The following PPP1R16B variants were observed in gnomAD, a reference collection of about 807,000 sequenced individuals.
The protein encoded by PPP1R16B is protein phosphatase 1 regulatory inhibitor subunit 16B.
In PPP1R16B, 14 loss-of-function variants were observed where a neutral mutation model predicts 61.7. That is an observed-to-expected ratio of 0.23 (90% CI 0.15 to 0.35). The LOEUF (loss-of-function observed/expected upper bound fraction) is 0.35, where lower values mean the gene tolerates loss of function less well. Among genes scored for constraint, PPP1R16B ranks in the 10% least tolerant of loss-of-function variants. The pLI, the probability that PPP1R16B is intolerant of heterozygous loss-of-function variation, is 1.00. For synonymous variants in PPP1R16B, 266 were observed against 305.3 expected (o/e 0.87, Z 1.34); for missense variants, 547 against 752.5 (o/e 0.73, Z 3.19).
intron 1 of PPP1R16B, among the ~76,000 whole-genome samples, chr20:38,823,515 C>T (rs981857519): frequency 1.3e-5 from 2 of 152,118 alleles, no homozygotes; most frequent in Admixed American, 1.3e-4. Context: ...GTGGCACTTG[C>T]CTGTAGTCCC....
At chr20:38,829,804 C>T (rs528691080) in intron 1 of PPP1R16B, among the ~76,000 whole-genome samples, 45 of 152,248 alleles carry the variant, frequency 3.0e-4, no homozygotes, top group Admixed American at 5.2e-4. Flanking sequence ...ATTTCTCAGA[C>T]GGGGGTGGGA....
At chr20:38,814,595 G>A (rs950152500) in intron 1 of PPP1R16B, among the ~76,000 whole-genome samples, 1 of 152,168 alleles carries the variant, frequency 6.6e-6, no homozygotes, top group African/African-American at 2.4e-5. Context: ...TATCATTAGA[G>A]TTAGTCCCTA....
At chr20:38,830,135 G>T (rs1314850972) in intron 1 of PPP1R16B, among the ~76,000 whole-genome samples, 1 of 152,160 alleles carries the variant, frequency 6.6e-6, no homozygotes, top group African/African-American at 2.4e-5. Flanking sequence ...TGTGAGTCAG[G>T]CCCCAGGTTT....
intron 1 of PPP1R16B, among the ~76,000 whole-genome samples, chr20:38,822,728 G>T (rs1457842774): frequency 6.6e-6 from 1 of 152,048 alleles, no homozygotes. Context: ...AATTAAAAAT[G>T]GAAGTGAATT....
intron 2 of PPP1R16B, among the ~76,000 whole-genome samples, chr20:38,882,800 G>A (rs2085212397): frequency 6.6e-6 from 1 of 152,120 alleles, no homozygotes; most frequent in Non-Finnish European, 1.5e-5. Context: ...GTGACATTTT[G>A]GCTAAAACCT....
chr20:38,905,588 A>G (rs2145777413), intron 6 of PPP1R16B, among the ~76,000 whole-genome samples: 1 of 152,342 alleles, frequency 6.6e-6, no homozygotes, highest in African/African-American at 2.4e-5. Flanking sequence ...CCCACATTCA[A>G]GGTGAGAACA....
At chr20:38,899,221 G>C (rs1005098182) in intron 4 of PPP1R16B, among the ~76,000 whole-genome samples, 1 of 152,242 alleles carries the variant, frequency 6.6e-6, no homozygotes, top group African/African-American at 2.4e-5. Flanking sequence ...GTGGAGGGCT[G>C]TTAGGCCAAA....
chr20:38,867,400 G>C (rs2085097809), intron 2 of PPP1R16B, among the ~76,000 whole-genome samples: 1 of 152,152 alleles, frequency 6.6e-6, no homozygotes, highest in South Asian at 2.1e-4. Context: ...TCAGATGCTG[G>C]GATCTGGAGC....
chr20:38,875,575 CAAAATCA>C (rs2085159775), intron 2 of PPP1R16B, among the ~76,000 whole-genome samples: 1 of 152,184 alleles, frequency 6.6e-6, no homozygotes, highest in Non-Finnish European at 1.5e-5. Flanking sequence ...TCAGAAATGA[CAAAATCA>C]AACACCCGCA....
chr20:38,898,424 G>A (rs910335628), intron 4 of PPP1R16B, among the ~76,000 whole-genome samples: 1 of 152,110 alleles, frequency 6.6e-6, no homozygotes, highest in African/African-American at 2.4e-5. Flanking sequence ...GTGTGAATCC[G>A]CCAGCTTTGT....
intron 10 of PPP1R16B, among the ~76,000 whole-genome samples, chr20:38,911,644 C>T (rs951566425): frequency 2.6e-5 from 4 of 151,858 alleles, no homozygotes; most frequent in African/African-American, 9.7e-5. Flanking sequence ...TCAAGCGATT[C>T]TCCTGCCTCA....
chr20:38,857,025 A>T (rs1291557182), intron 2 of PPP1R16B, among the ~76,000 whole-genome samples: 10 of 152,220 alleles, frequency 6.6e-5, no homozygotes, highest in Non-Finnish European at 4.4e-5. Flanking sequence ...GTCCCCACCT[A>T]CGGTGGGCAC....
rs763033175 is a variant in PPP1R16B, at chr20:38,907,918, C to A, written c.1011C>A (p.Ser337=). ...RHKSSLSRRT[S]SAGSRGKVVR... ...AGTCATCCTTGAGCCGGAGGACCTC[C>A]AGCGCAGGCAGCCGTGGGTGAGTCC... is the stretch of plus-strand genomic sequence containing the variant. The change falls in exon 9 of 11, where the codon TCC becomes TCA. Residue 337 remains serine (S), a synonymous_variant. Transcript: ENST00000299824. The surrounding 1 kb of genome is among the most constrained non-coding windows in gnomAD (Gnocchi z 4.5). 1 of 1,614,218 alleles carries A rather than the reference C, an allele frequency of 6.2e-7. No individual in the cohort carries two copies. Among genetic ancestry groups the A allele is most frequent in the Non-Finnish European group, 8.5e-7 (1 of 1,180,038 alleles).
At chr20:38,856,538 C>T (rs1482896144) in intron 2 of PPP1R16B, among the ~76,000 whole-genome samples, 1 of 152,134 alleles carries the variant, frequency 6.6e-6, no homozygotes, top group Admixed American at 6.5e-5. Flanking sequence ...CTTCTCTCAG[C>T]CCCTCAAAGG....
intron 10 of PPP1R16B, among the ~76,000 whole-genome samples, chr20:38,911,627 C>G (rs1270173700): frequency 6.6e-6 from 1 of 151,808 alleles, no homozygotes; most frequent in African/African-American, 2.4e-5. Flanking sequence ...ACCTCTGCCT[C>G]CCAGGATCAA....
chr20:38,909,904 C>T (rs2085475358), intron 10 of PPP1R16B, among the ~76,000 whole-genome samples: 1 of 152,180 alleles, frequency 6.6e-6, no homozygotes. Context: ...CAGATGTCTC[C>T]CAGCTGTGCT....
chr20:38,869,035 C>A (rs1490558902), intron 2 of PPP1R16B, among the ~76,000 whole-genome samples: 1 of 152,198 alleles, frequency 6.6e-6, no homozygotes, highest in African/African-American at 2.4e-5. Flanking sequence ...CCTTCCCAGT[C>A]AATCCCCTAC....
chr20:38,809,147 G>A (rs1399142967), intron 1 of PPP1R16B, among the ~76,000 whole-genome samples: 1 of 151,992 alleles, frequency 6.6e-6, no homozygotes, highest in African/African-American at 2.4e-5. Context: ...GACTCTCAAA[G>A]GTCCCACCTC....
chr20:38,914,106 C>T (rs2085513494), intron 10 of PPP1R16B, among the ~76,000 whole-genome samples: 1 of 151,780 alleles, frequency 6.6e-6, no homozygotes, highest in African/African-American at 2.4e-5. Flanking sequence ...TCACTTGAAC[C>T]TGGGAGGCAG....
Sources: gnomAD v4.1 joint callset for allele counts (sites outside exome capture counted in the v4.1 genomes callset) on GRCh38, gnomAD v4.1.1 for gene constraint, Gnocchi (gnomAD v3.1) non-coding constraint, MANE v1.5 for transcripts, NCBI Gene and HGNC (gene_info 2026-07-23, HGNC 2026-07-21) for gene names.